NKD1: variants seen among roughly 807,000 people sequenced by gnomAD.
The protein encoded by NKD1 is protein naked cuticle homolog 1.
In NKD1, 21 loss-of-function variants were observed where a neutral mutation model predicts 56.0. The observed-to-expected ratio is 0.38, with a 90% CI of 0.27 to 0.54. The LOEUF is 0.54. Among genes scored for constraint, NKD1 ranks in the 20% least tolerant of loss-of-function variants. The pLI is 0.82. For missense variants in NKD1, 578 were observed against 642.7 expected (o/e 0.90, Z 1.09); for synonymous variants, 263 against 265.7 (o/e 0.99, Z 0.10).
intron 3 of NKD1, chr16:50,607,619 T>C (rs1021182583): frequency 1.9e-5 from 3 of 153,974 alleles, no homozygotes; most frequent in African/African-American, 7.2e-5. Context: ...CTAAATAAGT[T>C]TGGAGAATGC....
Position 50,631,523 on chromosome 16 carries a change from C to T in NKD1, c.695+613C>T, listed in dbSNP as rs74723379. ...GAATGATCGGAGCTGGATTAGTACT[C>T]GCTAGGGGAAAGAAAAAACAGTTCA... is the stretch of plus-strand genomic sequence containing the variant. On this transcript the variant is annotated intron_variant, in intron 8 of 9. Transcript: ENST00000268459. 3.5e-3 allele frequency among the ~76,000 whole-genome samples: 529 copies of T among 152,258 alleles called. 6 individuals carry two copies. The highest frequency in any genetic ancestry group is 0.011 in the African/African-American group (462 of 41,542).
At chr16:50,626,063 C>A (rs1315711196) in intron 6 of NKD1, among the ~76,000 whole-genome samples, 1 of 152,232 alleles carries the variant, frequency 6.6e-6, no homozygotes, top group Non-Finnish European at 1.5e-5. Flanking sequence ...GGAATGAGCA[C>A]CTCCAGTGCT....
chr16:50,558,754 A>G (rs183511574), intron 3 of NKD1: 2 of 152,106 alleles, frequency 1.3e-5, no homozygotes, highest in East Asian at 1.9e-4. Flanking sequence ...AAGAAAGAAA[A>G]AAAAAATAGC....
rs376007285 is a variant in NKD1 at position 50,574,816 on chromosome 16, C to T, written c.192+25261C>T. ...AAGTTAAAAGACCCTAAAGTTTGAA[C>T]AGTAAAACCAAATACATGAAACCAA... On this transcript the variant is annotated intron_variant, in intron 3 of 9. Transcript: ENST00000268459. 17 of 985,266 alleles carry T rather than the reference C, an allele frequency of 1.7e-5. No homozygotes were observed. The East Asian group carries it at 9.1e-4, about 53-fold the overall frequency. The allele number at this position is 985,266 out of a possible 1,614,324, so 61.0% of individuals were successfully genotyped here. A position where few individuals can be genotyped will look rare whatever the true frequency, so the allele number is the denominator to read the frequency against.
chr16:50,573,965 AC>A, intron 3 of NKD1: 4 of 983,146 alleles, frequency 4.1e-6, no homozygotes, highest in Non-Finnish European at 4.8e-6. Context: ...CATGTATATG[AC>A]ATATATGTAT....
intron 3 of NKD1, among the ~76,000 whole-genome samples, chr16:50,576,201 A>T (rs1356590540): frequency 6.6e-6 from 1 of 152,132 alleles, no homozygotes; most frequent in African/African-American, 2.4e-5. Flanking sequence ...GGCCCTGAAC[A>T]GGCCCTGGTC....
intron 3 of NKD1, among the ~76,000 whole-genome samples, chr16:50,553,030 C>G (rs4785433): frequency 0.11 from 16,376 of 152,230 alleles, 1,224 homozygotes; most frequent in African/African-American, 0.21. Flanking sequence ...GCACACGCGG[C>G]AAAGAACACC....
intron 3 of NKD1, among the ~76,000 whole-genome samples, chr16:50,599,281 A>G (rs867947737): frequency 3.9e-5 from 6 of 152,192 alleles, no homozygotes; most frequent in Non-Finnish European, 7.3e-5. Flanking sequence ...CCACTCACCA[A>G]GCACTGTACA....
chr16:50,632,374 C>G lies in NKD1; in HGVS notation c.789C>G (p.Ala263=). The G allele has an allele frequency of 6.2e-7, 1 of 1,614,014 alleles. No homozygotes were observed. Among genetic ancestry groups the G allele is most frequent in the Non-Finnish European group, 8.5e-7 (1 of 1,179,960 alleles). ...GGAGAAACCACTACTTAGATCTCGC[C>G]GGGATAGAAAACTACACGTCCCAAT... ...IERRNHYLDL[A]GIENYTSQFG... is the part of the protein sequence containing the mutation. Residue 263 remains alanine, a synonymous_variant, in exon 9 of 10, where the codon GCC becomes GCG. Transcript: ENST00000268459. The surrounding 1 kb of genome is among the most constrained non-coding windows in gnomAD (Gnocchi z 4.1).
chr16:50,617,572 G>T (rs1961990607), intron 4 of NKD1, among the ~76,000 whole-genome samples: 1 of 152,156 alleles, frequency 6.6e-6, no homozygotes, highest in Non-Finnish European at 1.5e-5. Flanking sequence ...GGGAGCTAAT[G>T]GGGAGAGAAC....
intron 6 of NKD1, 75 bp from the exon 7 acceptor site, chr16:50,630,111 C>T: frequency 2.1e-6 from 3 of 1,407,664 alleles, no homozygotes; most frequent in Non-Finnish European, 3.0e-6. Context: ...GCAGCGTCCA[C>T]CAGGCCCTCT....
chr16:50,615,807 G>C (rs537837100), intron 4 of NKD1, among the ~76,000 whole-genome samples: 2 of 152,310 alleles, frequency 1.3e-5, no homozygotes, highest in South Asian at 4.1e-4. Flanking sequence ...ATAATGTGTG[G>C]TACTACTAAC....
intron 3 of NKD1, among the ~76,000 whole-genome samples, chr16:50,579,510 G>A (rs111802552): frequency 8.4e-5 from 9 of 107,196 alleles, no homozygotes; most frequent in South Asian, 3.3e-4. Context: ...AACCCGCCAC[G>A]CATGCACTGT....
intron 8 of NKD1, among the ~76,000 whole-genome samples, chr16:50,631,979 A>G (rs982186662): frequency 3.9e-5 from 6 of 152,248 alleles, no homozygotes; most frequent in Non-Finnish European, 8.8e-5. Context: ...CATTCCTAGA[A>G]GTTGACCAAT....
At chr16:50,628,950 C>G (rs1175748135) in intron 6 of NKD1, among the ~76,000 whole-genome samples, 1 of 135,864 alleles carries the variant, frequency 7.4e-6, no homozygotes, top group Non-Finnish European at 1.6e-5. Context: ...CTTCTAGTGT[C>G]TCTTCCTTTT....
rs1040229042 is a variant in NKD1 at position 50,623,654 on chromosome 16, G to T, written c.367-1831G>T. On this transcript the variant is annotated intron_variant, in intron 5 of 9. Transcript: ENST00000268459. This position sits in a 1 kb window ranked among gnomAD's most constrained non-coding sequence, Gnocchi z 4.1. ...CTAGGAGACCCGCATGTGACAGGTG[G>T]GACAAGTGGCCAGTTACTCAACTCA... is the stretch of plus-strand genomic sequence containing the variant. Among the ~76,000 whole-genome samples the T allele has an allele frequency of 1.3e-5, 2 of 152,018 alleles. No homozygotes were observed. Among genetic ancestry groups the T allele is most frequent in the African/African-American group, 4.8e-5 (2 of 41,432 alleles).
intron 3 of NKD1, among the ~76,000 whole-genome samples, chr16:50,589,901 G>T (rs551319646): frequency 6.6e-6 from 1 of 150,734 alleles, no homozygotes; most frequent in South Asian, 2.1e-4. Flanking sequence ...AGGCTGGAGT[G>T]CAATGGCACC....
rs1962131262 is a variant in NKD1, at chr16:50,623,154, G to C, written c.366+1446G>C. On this transcript the variant is annotated intron_variant, in intron 5 of 9. Coordinates refer to ENST00000268459, the MANE Select transcript of NKD1 (RefSeq NM_033119.5). The surrounding 1 kb of genome is among the most constrained non-coding windows in gnomAD (Gnocchi z 4.1). Reference sequence around the variant, plus strand: ...GCGTGCTGTGTGGAGAGAGTGAGTGGCGTGATGTGGCCTGTGCTGGATGGT... The same window carrying C: ...GCGTGCTGTGTGGAGAGAGTGAGTGCCGTGATGTGGCCTGTGCTGGATGGT... 6.6e-6 allele frequency among the ~76,000 whole-genome samples: 1 copy of C among 152,092 alleles called. No individual in the cohort carries two copies. Among genetic ancestry groups the C allele is most frequent in the South Asian group, 2.1e-4 (1 of 4,834 alleles).
intron 3 of NKD1, chr16:50,606,017 C>T (rs951699255): frequency 2.0e-5 from 3 of 151,990 alleles, no homozygotes; most frequent in African/African-American, 7.2e-5. Context: ...GCACGCTGCA[C>T]GCCACAGACC....
Sources: allele counts gnomAD v4.1 joint callset (sites outside exome capture counted in the v4.1 genomes callset), GRCh38; gene constraint gnomAD v4.1.1; non-coding constraint Gnocchi (gnomAD v3.1); transcripts MANE v1.5; gene names NCBI Gene and HGNC (gene_info 2026-07-23, HGNC 2026-07-21).